The following CDK19 variants were observed in gnomAD, a reference collection of about 807,000 sequenced individuals.
The protein encoded by CDK19 is cyclin-dependent kinase 19.
Under a neutral mutation model 68.3 loss-of-function variants are expected in CDK19, and 20 were observed. The ratio of observed to expected loss-of-function variants is 0.29; its 90% CI spans 0.21 to 0.43. The LOEUF (loss-of-function observed/expected upper bound fraction) is 0.43, where lower values mean the gene tolerates loss of function less well. Among genes scored for constraint, CDK19 ranks in the 20% least tolerant of loss-of-function variants. CDK19 has a pLI of 1.00. For missense variants in CDK19, 339 were observed against 623.5 expected (o/e 0.54, Z 4.86); for synonymous variants, 221 against 222.8 (o/e 0.99, Z 0.07).
chr6:110,780,769 A>G (rs1471604883), intron 1 of CDK19, among the ~76,000 whole-genome samples: 1 of 152,112 alleles, frequency 6.6e-6, no homozygotes, highest in Non-Finnish European at 1.5e-5. Context: ...CCAAGGTACT[A>G]TGAGTGCAAA....
At chr6:110,741,896 C>T (rs1054910285) in intron 2 of CDK19, among the ~76,000 whole-genome samples, 2 of 152,080 alleles carry the variant, frequency 1.3e-5, no homozygotes, top group Non-Finnish European at 2.9e-5. Flanking sequence ...GAATACATTG[C>T]TGGTATACCT....
chr6:110,769,460 G>C (rs1010454771), intron 1 of CDK19, among the ~76,000 whole-genome samples: 1 of 151,602 alleles, frequency 6.6e-6, no homozygotes, highest in Non-Finnish European at 1.5e-5. Context: ...AGCTACTAGG[G>C]AGGCTGAGGC....
At chr6:110,679,348 CATGCCTGTAAT>C (rs1196016809) in intron 2 of CDK19, among the ~76,000 whole-genome samples, 1 of 151,642 alleles carries the variant, frequency 6.6e-6, no homozygotes, top group Non-Finnish European at 1.5e-5. Flanking sequence ...TACAGTGGCT[CATGCCTGTAAT>C]CCCAGCACTT....
intron 2 of CDK19, among the ~76,000 whole-genome samples, chr6:110,701,533 C>T (rs1774007758): frequency 6.8e-6 from 1 of 147,846 alleles, no homozygotes; most frequent in Admixed American, 6.8e-5. Flanking sequence ...GCCTGGGCAA[C>T]AGAGCAAGAC....
intron 1 of CDK19, among the ~76,000 whole-genome samples, chr6:110,791,403 G>A (rs1472933562): frequency 2.0e-5 from 3 of 152,044 alleles, no homozygotes; most frequent in Non-Finnish European, 4.4e-5. Flanking sequence ...GGTTGTAGAT[G>A]TAAATGGTAT....
intron 2 of CDK19, among the ~76,000 whole-genome samples, chr6:110,730,066 C>T (rs1163145607): frequency 1.3e-5 from 2 of 152,248 alleles, no homozygotes; most frequent in Middle Eastern, 3.4e-3. Flanking sequence ...ATAAGCCTTG[C>T]TGTAGTTTGC....
chr6:110,761,158 G>A (rs1779203200), intron 1 of CDK19, among the ~76,000 whole-genome samples: 1 of 152,096 alleles, frequency 6.6e-6, no homozygotes, highest in East Asian at 1.9e-4. Context: ...TTGTTGCCCA[G>A]GCTGGTCTCG....
chr6:110,755,237 C>G (rs560912663), intron 1 of CDK19, among the ~76,000 whole-genome samples: 1 of 151,936 alleles, frequency 6.6e-6, no homozygotes, highest in African/African-American at 2.4e-5. Context: ...GATGGGGTTT[C>G]GCTATGTTGG....
chr6:110,797,984 C>CAAAAAAAAAAAAAA (rs56710819), intron 1 of CDK19, among the ~76,000 whole-genome samples: 22 of 87,216 alleles, frequency 2.5e-4, no homozygotes, highest in African/African-American at 3.0e-4. Flanking sequence ...GACTCCGTCT[C>CAAAAAAAAAAAAAA]AAAAAAAAAA....
chr6:110,622,660 C>T (rs1035724290), intron 10 of CDK19, among the ~76,000 whole-genome samples, 155 bp downstream of exon 10: 2 of 152,186 alleles, frequency 1.3e-5, no homozygotes, highest in African/African-American at 4.8e-5. Context: ...TGCAGCTTTG[C>T]CTGTTTCAAA....
At chr6:110,628,569 C>T (rs1272728028) in intron 6 of CDK19, among the ~76,000 whole-genome samples, 1 of 152,150 alleles carries the variant, frequency 6.6e-6, no homozygotes, top group East Asian at 1.9e-4. Flanking sequence ...TAGTGGTCGT[C>T]TGGGTTATTA....
chr6:110,756,788 A>G (rs1250367275), intron 1 of CDK19, among the ~76,000 whole-genome samples: 1 of 152,208 alleles, frequency 6.6e-6, no homozygotes, highest in African/African-American at 2.4e-5. Context: ...AGTGAAATTA[A>G]GTCCATTTAC....
At position 110,667,558 on chromosome 6, in the gene CDK19, T is replaced by C; in HGVS notation, c.332A>G (p.His111Arg). 6.4e-7 allele frequency: 1 copy of C among 1,550,580 alleles called. No individual in the cohort carries two copies. The change falls in exon 4 of 13, where the codon CAC (histidine) becomes CGC (arginine). Residue 111 changes from histidine to arginine, a missense_variant. Physicochemically the swap from His to Arg is conservative, Grantham distance 29. Transcript: ENST00000368911. ...CTTTTTATTTGCTTTTGATGCACGG[T>C]GAAACTTAATAATATGCTAAAAATT... The part of the protein sequence containing the change: ...EHDLWHIIKF[H>R]RASKANKKPM...
intron 1 of CDK19, among the ~76,000 whole-genome samples, chr6:110,814,403 G>C (rs1460995070): frequency 6.6e-6 from 1 of 152,238 alleles, no homozygotes; most frequent in Non-Finnish European, 1.5e-5. Context: ...CGGGACGCCG[G>C]GCATACAACA....
At chr6:110,718,204 G>A (rs571456310) in intron 2 of CDK19, among the ~76,000 whole-genome samples, 1 of 152,264 alleles carries the variant, frequency 6.6e-6, no homozygotes, top group East Asian at 1.9e-4. Context: ...CAGGTACCAG[G>A]AACAAATGAA....
At chr6:110,750,776 T>C (rs946481895) in intron 1 of CDK19, among the ~76,000 whole-genome samples, 1 of 152,134 alleles carries the variant, frequency 6.6e-6, no homozygotes, top group Non-Finnish European at 1.5e-5. Flanking sequence ...AAGAAGACTT[T>C]TGAGTGCCCA....
At chr6:110,804,411 C>T (rs1305259108) in intron 1 of CDK19, among the ~76,000 whole-genome samples, 2 of 151,720 alleles carry the variant, frequency 1.3e-5, no homozygotes, top group South Asian at 2.1e-4. Flanking sequence ...GGCGCGATCT[C>T]GGCTCACTGA....
At chr6:110,708,936 C>T (rs924663256) in intron 2 of CDK19, among the ~76,000 whole-genome samples, 4 of 152,078 alleles carry the variant, frequency 2.6e-5, no homozygotes, top group Admixed American at 6.5e-5. Flanking sequence ...TTTGCCTAAC[C>T]GAATCCAGCA....
At chr6:110,812,107 A>C (rs375427761) in intron 1 of CDK19, among the ~76,000 whole-genome samples, 154 of 152,164 alleles carry the variant, frequency 1.0e-3, no homozygotes, top group Middle Eastern at 3.4e-3. Context: ...CTGCAAAACA[A>C]AAAGGTGAAC....
Sources: gnomAD v4.1 joint callset for allele counts (sites outside exome capture counted in the v4.1 genomes callset) on GRCh38, gnomAD v4.1.1 for gene constraint, MANE v1.5 for transcripts, NCBI Gene and HGNC (gene_info 2026-07-23, HGNC 2026-07-21) for gene names.